FCHSD2: variants seen among roughly 807,000 people sequenced by gnomAD.
FCHSD2 encodes the protein F-BAR and double SH3 domains protein 2.
In FCHSD2, 38 loss-of-function variants were observed where a neutral mutation model predicts 108.1. The ratio of observed to expected loss-of-function variants is 0.35; its 90% confidence interval spans 0.27 to 0.46. FCHSD2 has a LOEUF of 0.46. FCHSD2 is among the 20% of genes least tolerant of loss of function. The probability of loss-of-function intolerance (pLI) is 1.00; values close to 1 mark genes in which losing one functional copy is unlikely to be tolerated. For missense variants in FCHSD2, 751 were observed against 897.8 expected (o/e 0.84, Z 2.09); for synonymous variants, 279 against 314.7 (o/e 0.89, Z 1.20).
intron 8 of FCHSD2, among the ~76,000 whole-genome samples, chr11:72,924,188 G>C (rs966098104): frequency 6.6e-6 from 1 of 152,178 alleles, no homozygotes; most frequent in African/African-American, 2.4e-5. Context: ...TAATCCGCCT[G>C]TCTCAGCCTC....
At chr11:73,140,908 T>C (rs1466626994) in intron 1 of FCHSD2, among the ~76,000 whole-genome samples, 1 of 152,128 alleles carries the variant, frequency 6.6e-6, no homozygotes, top group Non-Finnish European at 1.5e-5. Context: ...TGGGGGTACA[T>C]GTTCGAAAGA....
chr11:72,867,455 G>C (rs1239396254), intron 13 of FCHSD2, among the ~76,000 whole-genome samples: 1 of 152,116 alleles, frequency 6.6e-6, no homozygotes, highest in African/African-American at 2.4e-5. Context: ...GTACTAAGAA[G>C]AACATTCCTT....
intron 12 of FCHSD2, among the ~76,000 whole-genome samples, chr11:72,877,898 C>T (rs750718564): frequency 3.3e-5 from 5 of 151,990 alleles, no homozygotes; most frequent in African/African-American, 7.2e-5. Context: ...CCCAGCTATT[C>T]GGGAAATGGA....
chr11:72,929,660 T>C (rs557590907), intron 8 of FCHSD2, among the ~76,000 whole-genome samples: 2 of 152,298 alleles, frequency 1.3e-5, no homozygotes, highest in South Asian at 4.1e-4. Flanking sequence ...ACATGGTTTG[T>C]GATTAGAAGG....
At chr11:73,074,580 G>A (rs1859506620) in intron 3 of FCHSD2, among the ~76,000 whole-genome samples, 1 of 152,050 alleles carries the variant, frequency 6.6e-6, no homozygotes, top group Non-Finnish European at 1.5e-5. Flanking sequence ...CATAAAGAGA[G>A]CACTGAATAT....
chr11:73,020,725 T>G (rs2135438809), intron 3 of FCHSD2, among the ~76,000 whole-genome samples: 1 of 152,116 alleles, frequency 6.6e-6, no homozygotes, highest in South Asian at 2.1e-4. Context: ...TATTTACTTT[T>G]CCATAATTTC....
chr11:73,136,299 G>C (rs1281041183), intron 2 of FCHSD2, among the ~76,000 whole-genome samples: 2 of 151,774 alleles, frequency 1.3e-5, no homozygotes, highest in African/African-American at 4.8e-5. Flanking sequence ...AAAAACTTTT[G>C]ACATTTTCTC....
At chr11:72,868,711 AAACAAACAAACC>A (rs2135206444) in intron 12 of FCHSD2, among the ~76,000 whole-genome samples, 1 of 151,996 alleles carries the variant, frequency 6.6e-6, no homozygotes, top group South Asian at 2.1e-4. Flanking sequence ...ACAAACAAAC[AAACAAACAAACC>A]AAGAAACTAT....
Position 72,988,997 on chromosome 11 carries a change from T to A in FCHSD2, c.488A>T (p.His163Leu), listed in dbSNP as rs777951527. The change falls in exon 6 of 20, where the codon CAT becomes CTT. Residue 163 changes from histidine to leucine, a missense_variant. Coordinates refer to ENST00000409418, the MANE Select transcript of FCHSD2 (RefSeq NM_014824.3). ...KKYFETEQMAHAVREKADIEA... is the reference protein window; with the variant it reads ...KKYFETEQMALAVREKADIEA... Reference sequence around the variant, plus strand: ...GATGTCAGCTTTCTCTCGTACTGCATGAGCCATCTGTTCAGTCTCAAAGTA... The same window carrying A: ...GATGTCAGCTTTCTCTCGTACTGCAAGAGCCATCTGTTCAGTCTCAAAGTA... 1.2e-6 allele frequency: 2 copies of A among 1,612,552 alleles called. No homozygotes were observed. Among genetic ancestry groups the A allele is most frequent in the East Asian group, 4.5e-5 (2 of 44,868 alleles).
At chr11:73,109,136 T>C (rs1039271360) in intron 2 of FCHSD2, among the ~76,000 whole-genome samples, 1 of 152,178 alleles carries the variant, frequency 6.6e-6, no homozygotes, top group African/African-American at 2.4e-5. Context: ...GTAGTATAAT[T>C]TGAAGTCAGG....
At chr11:73,116,632 C>T (rs1188850875) in intron 2 of FCHSD2, among the ~76,000 whole-genome samples, 1 of 152,032 alleles carries the variant, frequency 6.6e-6, no homozygotes, top group African/African-American at 2.4e-5. Flanking sequence ...CCTTTAAATC[C>T]TGGGCACAAG....
At chr11:73,025,507 G>A (rs577384747) in intron 3 of FCHSD2, among the ~76,000 whole-genome samples, 23 of 152,204 alleles carry the variant, frequency 1.5e-4, no homozygotes, top group Non-Finnish European at 4.4e-5. Context: ...AGGGTGGGAG[G>A]AGGGAGATAA....
intron 5 of FCHSD2, among the ~76,000 whole-genome samples, chr11:72,995,142 T>C (rs1565359650): frequency 6.6e-6 from 1 of 152,224 alleles, no homozygotes; most frequent in Non-Finnish European, 1.5e-5. Context: ...ATTCAAGTTG[T>C]AGCAGGTGTC....
intron 8 of FCHSD2, among the ~76,000 whole-genome samples, chr11:72,930,505 A>C (rs1425945962): frequency 6.6e-6 from 1 of 152,222 alleles, no homozygotes; most frequent in African/African-American, 2.4e-5. Flanking sequence ...TAATCCCAGC[A>C]CTTTGGGATC....
At chr11:72,952,618 C>T (rs1192557878) in intron 8 of FCHSD2, among the ~76,000 whole-genome samples, 1 of 152,100 alleles carries the variant, frequency 6.6e-6, no homozygotes, top group Non-Finnish European at 1.5e-5. Flanking sequence ...AGCCACCATG[C>T]CTGGCCTATA....
At chr11:72,882,061 C>T (rs1855100680) in intron 12 of FCHSD2, among the ~76,000 whole-genome samples, 1 of 152,076 alleles carries the variant, frequency 6.6e-6, no homozygotes, top group South Asian at 2.1e-4. Flanking sequence ...GGGAGAATGG[C>T]ATGAAGCCGG....
chr11:73,088,352 G>A (rs889788041), intron 2 of FCHSD2, among the ~76,000 whole-genome samples: 60 of 152,128 alleles, frequency 3.9e-4, no homozygotes, highest in Admixed American at 3.9e-3. Context: ...GTAGGCTATG[G>A]TTTGTGTAAG....
At chr11:72,901,713 G>C (rs1236426216) in intron 10 of FCHSD2, among the ~76,000 whole-genome samples, 4 of 151,620 alleles carry the variant, frequency 2.6e-5, no homozygotes, top group African/African-American at 9.7e-5. Context: ...GAGGGGTAGA[G>C]GCATTAAAAA....
At chr11:73,102,302 T>C (rs1483363861) in intron 2 of FCHSD2, among the ~76,000 whole-genome samples, 1 of 152,190 alleles carries the variant, frequency 6.6e-6, no homozygotes, top group Admixed American at 6.5e-5. Context: ...AGATAGACTC[T>C]GGGGAAATTT....
Sources: gnomAD v4.1 joint callset for allele counts (sites outside exome capture counted in the v4.1 genomes callset) on GRCh38, gnomAD v4.1.1 for gene constraint, MANE v1.5 for transcripts, NCBI Gene and HGNC (gene_info 2026-07-23, HGNC 2026-07-21) for gene names.